FAM13C: variants seen among roughly 807,000 people sequenced by gnomAD.
FAM13C encodes protein FAM13C.
FAM13C carries 37 observed loss-of-function variants against 73.2 expected under a neutral mutation model. The ratio of observed to expected loss-of-function variants is 0.51; its 90% CI spans 0.39 to 0.67. The LOEUF (loss-of-function observed/expected upper bound fraction) is 0.67. Ranked by LOEUF, FAM13C falls within the 30% of genes least tolerant of loss-of-function variation. The pLI, the probability that FAM13C is intolerant of heterozygous loss-of-function variation, is 0.00. For synonymous variants in FAM13C, 246 were observed against 260.9 expected (o/e 0.94, Z 0.55); for missense variants, 589 against 715.6 (o/e 0.82, Z 2.02).
rs1201384651 is a variant in FAM13C, at chr10:59,265,321, GC to G, written c.943-1156del. ...GCAGAGGGATAGGGAAGGGGTTTTGGCGGGGGGGGGGGGGAATCCTGGTTTC... is the reference window on the plus strand; with the variant it reads ...GCAGAGGGATAGGGAAGGGGTTTTGGGGGGGGGGGGGGGAATCCTGGTTTC... On this transcript the variant is annotated intron_variant, in intron 8 of 13. Transcript: ENST00000618804. 5.0e-3 allele frequency among the ~76,000 whole-genome samples: 179 copies of G among 36,120 alleles called. 15 individuals carry two copies. The highest frequency in any genetic ancestry group is 0.016 in the African/African-American group (153 of 9,822). The allele number at this position is 36,120 out of a possible 152,430, so 23.7% of individuals were successfully genotyped here. A position where few individuals can be genotyped will look rare whatever the true frequency, so the allele number is the denominator to read the frequency against.
Position 59,310,459 on chromosome 10 carries a change from T to C in FAM13C, c.444-7595A>G, listed in dbSNP as rs1589557205. Among the ~76,000 whole-genome samples the C allele has an allele frequency of 2.0e-5, 3 of 152,170 alleles. No individual in the cohort carries two copies. The East Asian group carries it at 5.8e-4, about 29-fold the overall frequency. ...GCCCTTAATACCAGTAAATAGAAAG[T>C]TCCTTTCTCTAGAGAGTCGAAGCCA... On this transcript the variant is annotated intron_variant, in intron 4 of 13. Coordinates refer to ENST00000618804, the MANE Select transcript of FAM13C (RefSeq NM_198215.4).
At chr10:59,257,480 T>C (rs150383917) in intron 10 of FAM13C, among the ~76,000 whole-genome samples, 300 of 152,334 alleles carry the variant, frequency 2.0e-3, no homozygotes, top group African/African-American at 7.0e-3. Flanking sequence ...AATTTATAAA[T>C]GAAATCATTC....
chr10:59,283,511 C>G, intron 5 of FAM13C, 64 bp from the exon 6 acceptor site: 1 of 1,547,568 alleles, frequency 6.5e-7, no homozygotes, highest in South Asian at 1.1e-5. Flanking sequence ...GCAAGGAATT[C>G]TGCCAGCAAA....
upstream of FAM13C, chr10:59,362,682 GGGCGGGGCGCGGC>G (rs1217213338): frequency 9.3e-6 from 10 of 1,072,204 alleles, no homozygotes; most frequent in Non-Finnish European, 1.3e-5. Flanking sequence ...GGACAGAGCT[GGGCGGGGCGCGGC>G]GGCGGGGCTG....
chr10:59,274,277 A>C (rs1009539145), intron 6 of FAM13C, among the ~76,000 whole-genome samples: 1 of 152,190 alleles, frequency 6.6e-6, no homozygotes, highest in African/African-American at 2.4e-5. Flanking sequence ...GAGGCACTAA[A>C]GGGTTAGCTA....
chr10:59,328,431 C>A (rs565811813), intron 3 of FAM13C, among the ~76,000 whole-genome samples: 1 of 152,286 alleles, frequency 6.6e-6, no homozygotes, highest in South Asian at 2.1e-4. Context: ...AATGGCATGG[C>A]CATTGCTTCA....
intron 3 of FAM13C, among the ~76,000 whole-genome samples, chr10:59,347,589 A>G (rs762145149): frequency 1.3e-5 from 2 of 151,986 alleles, no homozygotes; most frequent in Non-Finnish European, 2.9e-5. Flanking sequence ...CAATTTTGTT[A>G]CATAGATATA....
intron 5 of FAM13C, among the ~76,000 whole-genome samples, chr10:59,300,505 T>G (rs767846801): frequency 1.3e-5 from 2 of 152,096 alleles, no homozygotes; most frequent in African/African-American, 2.4e-5. Context: ...TAACAAAAAG[T>G]TCTACCTTAC....
At chr10:59,327,092 A>G (rs112082113) in intron 3 of FAM13C, among the ~76,000 whole-genome samples, 56 of 152,298 alleles carry the variant, frequency 3.7e-4, no homozygotes, top group African/African-American at 1.3e-3. Context: ...GTGCATTGGC[A>G]TTAAGGAACG....
chr10:59,336,105 C>T (rs1852687806), intron 3 of FAM13C, among the ~76,000 whole-genome samples: 1 of 152,122 alleles, frequency 6.6e-6, no homozygotes, highest in Admixed American at 6.5e-5. Context: ...TACAGAATAA[C>T]TTAAATGGTT....
intron 3 of FAM13C, among the ~76,000 whole-genome samples, chr10:59,341,549 C>T (rs1438288369): frequency 3.9e-5 from 6 of 152,042 alleles, no homozygotes; most frequent in African/African-American, 1.2e-4. Context: ...ATTAGCTGGG[C>T]ATGGTGGTGC....
At chr10:59,304,313 T>G (rs1293446337) in intron 4 of FAM13C, among the ~76,000 whole-genome samples, 1 of 152,204 alleles carries the variant, frequency 6.6e-6, no homozygotes, top group Non-Finnish European at 1.5e-5. Flanking sequence ...GATTGCCTGT[T>G]TACTCTGTCA....
intron 4 of FAM13C, among the ~76,000 whole-genome samples, chr10:59,308,010 A>G (rs999153377): frequency 2.6e-5 from 4 of 152,166 alleles, no homozygotes; most frequent in African/African-American, 9.7e-5. Flanking sequence ...TGAACCATTT[A>G]CAATCTTTCC....
rs778782527 is a variant in FAM13C at position 59,268,710 on chromosome 10, G to A, written c.804-19C>T. 5 of 1,606,352 alleles carry A rather than the reference G, an allele frequency of 3.1e-6. No homozygotes were observed. Among genetic ancestry groups the A allele is most frequent in the Admixed American group, 3.4e-5 (2 of 59,010 alleles). On this transcript the variant is annotated intron_variant, in intron 7 of 13. Coordinates refer to ENST00000618804, the MANE Select transcript of FAM13C (RefSeq NM_198215.4). ...CCGCGGCCTGCAGTGATTACAAGGA[G>A]GAAGGAGTATCAAAAACAGTGGGCT...
At chr10:59,296,245 T>C (rs948034080) in intron 5 of FAM13C, among the ~76,000 whole-genome samples, 1 of 152,148 alleles carries the variant, frequency 6.6e-6, no homozygotes, top group African/African-American at 2.4e-5. Flanking sequence ...TATGATAAAC[T>C]GTGGATGCAA....
intron 6 of FAM13C, among the ~76,000 whole-genome samples, chr10:59,275,883 G>A (rs1347521864): frequency 1.3e-5 from 2 of 152,156 alleles, no homozygotes; most frequent in African/African-American, 4.8e-5. Flanking sequence ...TGGGCTGTAG[G>A]ACTGATATTT....
chr10:59,337,501 G>C (rs546483226), intron 3 of FAM13C, among the ~76,000 whole-genome samples: 3 of 152,174 alleles, frequency 2.0e-5, no homozygotes, highest in Admixed American at 1.3e-4. Context: ...TGACTGGCTA[G>C]CTTACAAAAG....
chr10:59,274,607 G>A (rs1476304532), intron 6 of FAM13C, among the ~76,000 whole-genome samples: 1 of 152,136 alleles, frequency 6.6e-6, no homozygotes, highest in Non-Finnish European at 1.5e-5. Context: ...AAACCCAAGA[G>A]GCAGTTTGCC....
intron 3 of FAM13C, among the ~76,000 whole-genome samples, chr10:59,337,669 T>A (rs2134149960): frequency 9.9e-4 from 1 of 1,008 alleles, no homozygotes; most frequent in East Asian, 0.021. Context: ...TTCTTTTTCT[T>A]TTTTTTTTTT....
Sources: gnomAD v4.1 joint callset for allele counts (sites outside exome capture counted in the v4.1 genomes callset) on GRCh38, gnomAD v4.1.1 for gene constraint, MANE v1.5 for transcripts, NCBI Gene and HGNC (gene_info 2026-07-23, HGNC 2026-07-21) for gene names.